Variants in JARID2 observed in about 807,000 individuals in gnomAD.
The protein encoded by JARID2 is protein Jumonji.
A neutral mutation model predicts 125.6 loss-of-function variants in JARID2; 21 were observed. The observed-to-expected ratio is 0.17, with a 90% CI of 0.12 to 0.24. The LOEUF is 0.24. Ranked by LOEUF, JARID2 falls within the 10% of genes least tolerant of loss-of-function variation. The probability of loss-of-function intolerance (pLI) is 1.00; values close to 1 mark genes in which losing one functional copy is unlikely to be tolerated. For synonymous variants in JARID2, 736 were observed against 661.6 expected (o/e 1.11, Z -1.73); for missense variants, 1,303 against 1,639.6 (o/e 0.79, Z 3.55).
intron 4 of JARID2, among the ~76,000 whole-genome samples, chr6:15,461,220 A>C (rs997143719): frequency 6.6e-6 from 1 of 152,220 alleles, no homozygotes; most frequent in Non-Finnish European, 1.5e-5. Flanking sequence ...TGTAAGGGGA[A>C]CGTTACAGTT....
intron 1 of JARID2, among the ~76,000 whole-genome samples, chr6:15,358,413 G>A (rs1360487412): frequency 6.6e-6 from 1 of 152,122 alleles, no homozygotes; most frequent in African/African-American, 2.4e-5. Context: ...AGAGTTTCCC[G>A]ATACTGGTAC....
At chr6:15,417,710 C>G (rs751297635) in intron 3 of JARID2, among the ~76,000 whole-genome samples, 15 of 152,154 alleles carry the variant, frequency 9.9e-5, no homozygotes, top group Admixed American at 4.6e-4. Flanking sequence ...CCATCACACT[C>G]CATCCTGGGG....
intron 4 of JARID2, among the ~76,000 whole-genome samples, chr6:15,453,157 C>G (rs761393715): frequency 6.6e-6 from 1 of 152,160 alleles, no homozygotes. Flanking sequence ...ATACGTGGCC[C>G]CCATGCAGTC....
At chr6:15,437,256 G>C (rs1380236935) in intron 3 of JARID2, among the ~76,000 whole-genome samples, 1 of 152,004 alleles carries the variant, frequency 6.6e-6, no homozygotes, top group Non-Finnish European at 1.5e-5. Flanking sequence ...TATGTTGTGA[G>C]GCTGTGACTG....
chr6:15,446,211 A>G (rs35918625), intron 3 of JARID2, among the ~76,000 whole-genome samples: 15,377 of 152,230 alleles, frequency 0.1, 887 homozygotes, highest in Middle Eastern at 0.16. Context: ...CCTTTCCAGC[A>G]TCTATGGAGG....
intron 1 of JARID2, among the ~76,000 whole-genome samples, chr6:15,332,992 C>CCCCATCTCT (rs1459966767): frequency 7.6e-6 from 1 of 131,400 alleles, no homozygotes; most frequent in Non-Finnish European, 1.5e-5. Flanking sequence ...AGTGCAGTGG[C>CCCCATCTCT]CCCATCTCTG....
At chr6:15,317,760 C>G (rs1384310734) in intron 1 of JARID2, among the ~76,000 whole-genome samples, 1 of 152,094 alleles carries the variant, frequency 6.6e-6, no homozygotes, top group Non-Finnish European at 1.5e-5. Flanking sequence ...GTTTTAGCTC[C>G]ACACCCTTCA....
In JARID2 at chr6:15,279,316, A is replaced by G. The variant is rs187423515; in HGVS notation, c.45+32732A>G. On this transcript the variant is annotated intron_variant, in intron 1 of 17. Transcript: ENST00000341776. Reference sequence around the variant, plus strand: ...TACTGTTTTCTGAAATGGTTGGAGCACGTCACTCCTATCTGCAATGTCTGT... The same window carrying G: ...TACTGTTTTCTGAAATGGTTGGAGCGCGTCACTCCTATCTGCAATGTCTGT... 2.1e-3 allele frequency among the ~76,000 whole-genome samples: 321 copies of G among 152,300 alleles called. 5 individuals carry two copies. The highest frequency in any genetic ancestry group is 5.0e-4 in the Non-Finnish European group (34 of 68,028).
At chr6:15,349,149 T>A (rs960220351) in intron 1 of JARID2, among the ~76,000 whole-genome samples, 1 of 152,254 alleles carries the variant, frequency 6.6e-6, no homozygotes, top group Non-Finnish European at 1.5e-5. Flanking sequence ...GGATCCCATC[T>A]ATGAAGTCAT....
At chr6:15,449,194 C>G (rs912121650) in intron 3 of JARID2, among the ~76,000 whole-genome samples, 1 of 152,140 alleles carries the variant, frequency 6.6e-6, no homozygotes, top group Non-Finnish European at 1.5e-5. Context: ...AAAAAGCTCT[C>G]TTTGTTCCCC....
rs200766229 is a variant in JARID2, at chr6:15,501,159, G to T, written c.2198G>T (p.Arg733Leu). The change falls in exon 8 of 18, where the codon CGC becomes CTC. Residue 733 changes from arginine (R) to leucine (L), a missense_variant. Around this residue, in one of 11 missense-constraint regions of JARID2, gnomAD observed 124 missense variants for 131.0 expected, o/e 0.95. Coordinates refer to ENST00000341776, the MANE Select transcript of JARID2 (RefSeq NM_004973.4). ...VLMEKEILEKRKGPLEGHTEN... is the reference protein window; with the variant it reads ...VLMEKEILEKLKGPLEGHTEN... ...ATGGAGAAGGAGATCCTGGAGAAGC[G>T]CAAGGGGCCGCTGGAAGGCCACACA... 364 of 1,613,988 alleles carry T rather than the reference G, an allele frequency of 2.3e-4. No individual in the cohort carries two copies. The highest frequency in any genetic ancestry group is 1.6e-3 in the Middle Eastern group (10 of 6,084).
chr6:15,402,888 G>A (rs1418178534), intron 2 of JARID2, among the ~76,000 whole-genome samples: 1 of 152,214 alleles, frequency 6.6e-6, no homozygotes, highest in Non-Finnish European at 1.5e-5. Flanking sequence ...TTAAAAGGGT[G>A]TTGAAATGAA....
At chr6:15,489,411 GCACGGACAGA>G (rs1298085762) in intron 6 of JARID2, among the ~76,000 whole-genome samples, 1 of 152,208 alleles carries the variant, frequency 6.6e-6, no homozygotes, top group Non-Finnish European at 1.5e-5. Flanking sequence ...ATGTTCTCAT[GCACGGACAGA>G]CACGGGTGCG....
intron 1 of JARID2, among the ~76,000 whole-genome samples, chr6:15,252,158 C>A (rs1759480592): frequency 6.6e-6 from 1 of 152,170 alleles, no homozygotes; most frequent in Non-Finnish European, 1.5e-5. Flanking sequence ...CAGTTATGCC[C>A]AGACTTCCCC....
chr6:15,305,429 T>G (rs1165087245), intron 1 of JARID2, among the ~76,000 whole-genome samples: 2 of 152,174 alleles, frequency 1.3e-5, no homozygotes, highest in East Asian at 1.9e-4. Flanking sequence ...TGCCTTTGGT[T>G]GTTTCCAGTT....
chr6:15,477,248 T>A (rs1769388058), intron 5 of JARID2, among the ~76,000 whole-genome samples: 1 of 152,136 alleles, frequency 6.6e-6, no homozygotes, highest in South Asian at 2.1e-4. Context: ...TGTGGTTGCC[T>A]TTGAGGGGCA....
intron 16 of JARID2, among the ~76,000 whole-genome samples, chr6:15,516,431 G>A (rs921695740): frequency 1.3e-5 from 2 of 152,336 alleles, no homozygotes; most frequent in South Asian, 2.1e-4. Context: ...CAGGCCCCCA[G>A]TGAGGGTCTC....
chr6:15,248,401 G>A (rs1321472591), intron 1 of JARID2: 2 of 139,150 alleles, frequency 1.4e-5, no homozygotes, highest in Admixed American at 1.4e-4. Context: ...CGCGGCCTGC[G>A]GGGCGCGGGG....
chr6:15,486,161 G>C (rs751554578), intron 5 of JARID2, among the ~76,000 whole-genome samples: 7 of 152,230 alleles, frequency 4.6e-5, no homozygotes, highest in Non-Finnish European at 7.3e-5. Flanking sequence ...CCCAGGAACA[G>C]GGTGTGCTTC....
Sources: gnomAD v4.1 joint callset for allele counts (sites outside exome capture counted in the v4.1 genomes callset) on GRCh38, gnomAD v4.1.1 for gene constraint, gnomAD v4.1.1 regional missense constraint, MANE v1.5 for transcripts, NCBI Gene and HGNC (gene_info 2026-07-23, HGNC 2026-07-21) for gene names.